The following TMTC4 variants were observed in gnomAD, a reference collection of about 807,000 sequenced individuals.
The protein encoded by TMTC4 is transmembrane O-mannosyltransferase targeting cadherins 4, also known as protein O-mannosyl-transferase TMTC4.
Under a neutral mutation model 86.0 loss-of-function variants are expected in TMTC4, and 65 were observed. The observed-to-expected ratio is 0.76, with a 90% confidence interval of 0.62 to 0.93. The LOEUF (loss-of-function observed/expected upper bound fraction) is 0.93. Ranked by LOEUF, TMTC4 falls within the 40% of genes least tolerant of loss-of-function variation. TMTC4 has a pLI of 0.00. For synonymous variants in TMTC4, 379 were observed against 382.5 expected (o/e 0.99, Z 0.11); for missense variants, 866 against 948.1 (o/e 0.91, Z 1.14).
At chr13:100,654,312 C>T (rs1303505631) in intron 6 of TMTC4, among the ~76,000 whole-genome samples, 1 of 152,104 alleles carries the variant, frequency 6.6e-6, no homozygotes, top group African/African-American at 2.4e-5. Context: ...AATTTCTTTC[C>T]AATTTTAAAA....
intron 1 of TMTC4, 160 bp downstream of exon 1, chr13:100,674,584 C>T: frequency 4.1e-6 from 4 of 982,462 alleles, no homozygotes; most frequent in South Asian, 9.4e-5. Flanking sequence ...CGGGCCGCAG[C>T]TCAGGTCCCG....
intron 6 of TMTC4, among the ~76,000 whole-genome samples, chr13:100,648,805 G>A (rs765855596): frequency 4.6e-5 from 7 of 152,246 alleles, no homozygotes; most frequent in East Asian, 1.9e-4. Flanking sequence ...TCAGCCTCCC[G>A]AATAGCTGGG....
rs763230448 is a variant in TMTC4 at position 100,625,944 on chromosome 13, T to G, written c.1587-52A>C. On this transcript the variant is annotated intron_variant, in intron 13 of 18. Transcript: ENST00000342624. ...ACCATTAAATGCTCAATAGTAAGTTTTTACTAAACTCTCAGGAATCGGTAA... is the reference window on the plus strand; with the variant it reads ...ACCATTAAATGCTCAATAGTAAGTTGTTACTAAACTCTCAGGAATCGGTAA... The G allele has an allele frequency of 3.8e-6, 6 of 1,597,726 alleles. No individual in the cohort carries two copies. The South Asian group carries it at 6.7e-5, about 18-fold the overall frequency.
At chr13:100,645,309 T>C (rs901731479) in intron 6 of TMTC4, among the ~76,000 whole-genome samples, 1 of 152,186 alleles carries the variant, frequency 6.6e-6, no homozygotes, top group Non-Finnish European at 1.5e-5. Flanking sequence ...CTGAGTTCCC[T>C]TGGGGCAGAA....
At position 100,673,867 on chromosome 13, in the gene TMTC4, G is replaced by A. The variant is rs533828723; in HGVS notation, c.-208+877C>T. Among the ~76,000 whole-genome samples, 5 of 152,256 alleles carry A rather than the reference G, an allele frequency of 3.3e-5. No individual in the cohort carries two copies. The South Asian group carries it at 1.0e-3, about 32-fold the overall frequency. On this transcript the variant is annotated intron_variant, in intron 1 of 18. Transcript: ENST00000342624. ...ACAGGACTGCAGAGAAAAGGGACAG[G>A]GAGGGGACCTAGTCAGTCCCTACTA...
At position 100,614,259 on chromosome 13, in the gene TMTC4, G is replaced by A. The variant is rs114838806; in HGVS notation, c.1951+57C>T. 9.0e-4 allele frequency: 1,142 copies of A among 1,264,642 alleles called. 5 individuals carry two copies. In the African/African-American group the frequency reaches 0.014, roughly 16 times the overall value. The allele number at this position is 1,264,642 out of a possible 1,614,324, so 78.3% of individuals were successfully genotyped here. On this transcript the variant is annotated intron_variant, in intron 16 of 18. Coordinates refer to ENST00000342624, the MANE Select transcript of TMTC4 (RefSeq NM_032813.5). ...AATAATCTCTATTTCCTAAGTCTTCGGTGGCATTTTACTGTGGAGCCATTT... is the reference window on the plus strand; with the variant it reads ...AATAATCTCTATTTCCTAAGTCTTCAGTGGCATTTTACTGTGGAGCCATTT...
At chr13:100,625,215 C>CT (rs2138804458) in intron 15 of TMTC4, 1 of 302,158 alleles carries the variant, frequency 3.3e-6, no homozygotes, top group Non-Finnish European at 6.3e-6. Context: ...AACAGAGAAA[C>CT]TGATGTTTAT....
chr13:100,645,495 G>A (rs752320038), intron 6 of TMTC4, among the ~76,000 whole-genome samples: 1 of 151,940 alleles, frequency 6.6e-6, no homozygotes, highest in Non-Finnish European at 1.5e-5. Flanking sequence ...GAGCAGGTGA[G>A]CCCTCTGTGA....
At chr13:100,657,851 C>T (rs1422630951) in intron 5 of TMTC4, among the ~76,000 whole-genome samples, 5 of 152,168 alleles carry the variant, frequency 3.3e-5, no homozygotes, top group African/African-American at 9.7e-5. Flanking sequence ...TCCCCTACAT[C>T]GGTTATACAC....
intron 5 of TMTC4, among the ~76,000 whole-genome samples, chr13:100,662,204 C>T (rs571874076): frequency 7.1e-4 from 103 of 144,082 alleles, no homozygotes; most frequent in African/African-American, 2.5e-3. Flanking sequence ...CTCCACCCTC[C>T]TCCACCTCAC....
At position 100,674,178 on chromosome 13, in the gene TMTC4, G is replaced by A. The variant is rs912191736; in HGVS notation, c.-208+566C>T. ...GGCGGCTCGGTGGCCCCGGGCGCCC[G>A]GGCCGGTGGCCCCGCGCTCGCGCCG... On this transcript the variant is annotated intron_variant, in intron 1 of 18. Coordinates refer to ENST00000342624, the MANE Select transcript of TMTC4 (RefSeq NM_032813.5). 4.1e-6 allele frequency: 4 copies of A among 972,012 alleles called. No individual in the cohort carries two copies. The African/African-American group carries it at 7.0e-5, about 17-fold the overall frequency. The allele number at this position is 972,012 out of a possible 1,614,324, so 60.2% of individuals were successfully genotyped here. A position where few individuals can be genotyped will look rare whatever the true frequency, so the allele number is the denominator to read the frequency against.
intron 8 of TMTC4, 59 bp from the exon 9 acceptor site, chr13:100,637,761 G>C: frequency 6.3e-7 from 1 of 1,592,234 alleles, no homozygotes. Context: ...GTGTGGCTGA[G>C]CCAGGTACAG....
chr13:100,655,664 AGTTAC>A (rs1885018348), intron 6 of TMTC4, among the ~76,000 whole-genome samples: 2 of 152,338 alleles, frequency 1.3e-5, no homozygotes, highest in Non-Finnish European at 2.9e-5. Flanking sequence ...CAGGAAGAAA[AGTTAC>A]CACCACTGTT....
chr13:100,620,828 A>AAAC (rs1879357646), intron 15 of TMTC4, among the ~76,000 whole-genome samples: 2 of 152,106 alleles, frequency 1.3e-5, no homozygotes, highest in Admixed American at 6.6e-5. Flanking sequence ...GTGATTTCTT[A>AAAC]AAACAAACAA....
intron 3 of TMTC4, among the ~76,000 whole-genome samples, chr13:100,664,958 C>CTCTCACATCT (rs1886228849): frequency 6.6e-6 from 1 of 152,146 alleles, no homozygotes; most frequent in South Asian, 2.1e-4. Flanking sequence ...CACTATTAAC[C>CTCTCACATCT]TCTCACATCT....
rs780812406 is a variant in TMTC4, at chr13:100,655,537, C to T, written c.640+844G>A. On this transcript the variant is annotated intron_variant, in intron 6 of 18. Transcript: ENST00000342624. ...AGAGTCACACGATTCATTATGGGGC[C>T]GGCCAATTCAACCTCGCCAGGTCTC... 4.7e-4 allele frequency among the ~76,000 whole-genome samples: 72 copies of T among 152,222 alleles called. 1 individual carries two copies. Among genetic ancestry groups the T allele is most frequent in the Middle Eastern group, 6.8e-3 (2 of 294 alleles).
intron 15 of TMTC4, among the ~76,000 whole-genome samples, chr13:100,618,856 C>T (rs1485992289): frequency 3.9e-5 from 6 of 152,180 alleles, no homozygotes; most frequent in African/African-American, 7.2e-5. Context: ...TTTCTTAGTA[C>T]GGAACAAAAT....
chr13:100,659,722 T>G lies in TMTC4; in HGVS notation c.552+3242A>C, dbSNP rs1000377922. 7.3e-5 allele frequency among the ~76,000 whole-genome samples: 11 copies of G among 150,848 alleles called. 1 individual carries two copies. The highest frequency in any genetic ancestry group is 6.6e-5 in the Admixed American group (1 of 15,104). ...ACTTGAAGCAATGTGCGGTGGTTCA[T>G]TAGAAAAACAGAGACATTCCATGAG... On this transcript the variant is annotated intron_variant, in intron 5 of 18. Coordinates refer to ENST00000342624, the MANE Select transcript of TMTC4 (RefSeq NM_032813.5).
intron 5 of TMTC4, among the ~76,000 whole-genome samples, chr13:100,658,503 G>A (rs1765733): frequency 0.71 from 107,262 of 151,726 alleles, 39,005 homozygotes; most frequent in East Asian, 0.96. Context: ...AAGCCTGTCC[G>A]AAGGGGACCA....
Sources: gnomAD v4.1 joint callset for allele counts (sites outside exome capture counted in the v4.1 genomes callset) on GRCh38, gnomAD v4.1.1 for gene constraint, MANE v1.5 for transcripts, NCBI Gene and HGNC (gene_info 2026-07-23, HGNC 2026-07-21) for gene names.